The following RTL8A variants were observed in gnomAD, a reference collection of about 807,000 sequenced individuals.
RTL8A encodes the protein retrotransposon Gag like 8A, also known as retrotransposon Gag-like protein 8A.
Under a neutral mutation model 4.4 loss-of-function variants are expected in RTL8A, and 4 were observed. The observed-to-expected ratio is 0.92, with a 90% CI of 0.45 to 2.10. The LOEUF (loss-of-function observed/expected upper bound fraction) is 2.10, where lower values mean the gene tolerates loss of function less well. Among genes scored for constraint, RTL8A ranks in the 30% most tolerant of loss-of-function variants. RTL8A has a pLI of 0.03. For synonymous variants in RTL8A, 47 were observed against 45.3 expected (o/e 1.04, Z -0.15); for missense variants, 84 against 99.4 (o/e 0.85, Z 0.66).
chrX:135,051,387 A>C lies in RTL8A; in HGVS notation c.*380T>G. On this transcript the variant is annotated 3_prime_UTR_variant, in exon 1 of 1. Coordinates refer to ENST00000370775, the MANE Select transcript of RTL8A (RefSeq NM_001078172.2). ...CGTAGGTCTGTGGGCAGAATGATGT[A>C]GTTGGCTGGCAGTCTGGAGGAGTGG... is the stretch of plus-strand genomic sequence containing the variant. 1 of 1,030,191 alleles carries C rather than the reference A, an allele frequency of 9.7e-7. No individual in the cohort carries two copies. Among genetic ancestry groups the C allele is most frequent in the Non-Finnish European group, 1.3e-6 (1 of 786,208 alleles). The allele number at this position is 1,030,191 out of a possible 1,213,427, so 84.9% of individuals were successfully genotyped here.
In RTL8A at chrX:135,052,122, C is replaced by T; in HGVS notation, c.-14G>A. 1.7e-6 allele frequency: 2 copies of T among 1,187,494 alleles called. No individual in the cohort carries two copies. The highest frequency in any genetic ancestry group is 3.0e-5 in the East Asian group (1 of 33,480). The stretch of plus-strand genomic sequence containing the variant: ...CCGACCGTCCATCGTGCCGCGCGCG[C>T]TCCGCGGAGTTTCGCTGGGTTGCGT... On this transcript the variant is annotated 5_prime_UTR_variant, in exon 1 of 1. Transcript: ENST00000370775.
rs765478668 is a variant in RTL8A at position 135,051,900 on chromosome X, G to C, written c.209C>G (p.Thr70Ser). ...NDALKVTFLI[T>S]RLTGPALQWV... ...CTGCAGGGCTGGCCCCGTGAGGCGGGTGATGAGGAACGTCACCTTCAGGGC... is the reference window on the plus strand; with the variant it reads ...CTGCAGGGCTGGCCCCGTGAGGCGGCTGATGAGGAACGTCACCTTCAGGGC... Residue 70 changes from threonine (T) to serine (S), a missense_variant, in exon 1 of 1, where the codon ACC (threonine) becomes AGC (serine). Coordinates refer to ENST00000370775, the MANE Select transcript of RTL8A (RefSeq NM_001078172.2). 13 of 1,210,742 alleles carry C rather than the reference G, an allele frequency of 1.1e-5. No homozygotes were observed. Among genetic ancestry groups the C allele is most frequent in the Admixed American group, 2.2e-5 (1 of 46,039 alleles).
Position 135,051,072 on chromosome X carries a change from G to T in RTL8A, c.*695C>A. 3.7e-6 allele frequency: 1 copy of T among 270,131 alleles called. No individual in the cohort carries two copies. The highest frequency in any genetic ancestry group is 3.6e-5 in the South Asian group (1 of 27,657). 22.3% of individuals were successfully genotyped at this position (270,131 alleles called of 1,213,427 possible). ...CAGAGAGACAGCTGCAAATTCAGAAGAAAACAGGATTCTAGGCAAAACTAA... is the reference window on the plus strand; with the variant it reads ...CAGAGAGACAGCTGCAAATTCAGAATAAAACAGGATTCTAGGCAAAACTAA... On this transcript the variant is annotated 3_prime_UTR_variant, in exon 1 of 1. Coordinates refer to ENST00000370775, the MANE Select transcript of RTL8A (RefSeq NM_001078172.2).
Position 135,052,081 on chromosome X carries a change from C to T in RTL8A, c.28G>A (p.Ala10Thr), listed in dbSNP as rs1284414972. 8.3e-7 allele frequency: 1 copy of T among 1,207,720 alleles called. No homozygotes were observed. Among genetic ancestry groups the T allele is most frequent in the South Asian group, 1.8e-5 (1 of 56,248 alleles). The change falls in exon 1 of 1, where the codon GCC becomes ACC. Residue 10 changes from alanine (A) to threonine (T), a missense_variant. Physicochemically the swap from Ala to Thr is moderately conservative, Grantham distance 58. Coordinates refer to ENST00000370775, the MANE Select transcript of RTL8A (RefSeq NM_001078172.2). ...GGCCGGAGGGGCCCGGCCAGGAGGGCCTTCATCAGCTGCACCCGACCGTCC... is the reference window on the plus strand; with the variant it reads ...GGCCGGAGGGGCCCGGCCAGGAGGGTCTTCATCAGCTGCACCCGACCGTCC... MDGRVQLMK[A>T]LLAGPLRPAA...
At position 135,051,842 on chromosome X, in the gene RTL8A, G is replaced by A. The variant is rs1282452414; in HGVS notation, c.267C>T (p.Pro89=). 1 of 1,204,573 alleles carries A rather than the reference G, an allele frequency of 8.3e-7. No individual in the cohort carries two copies. Among genetic ancestry groups the A allele is most frequent in the Non-Finnish European group, 1.1e-6 (1 of 891,850 alleles). The change falls in exon 1 of 1, where the codon CCC becomes CCT. Residue 89 remains proline (P), a synonymous_variant. Coordinates refer to ENST00000370775, the MANE Select transcript of RTL8A (RefSeq NM_001078172.2). ...GGAAGCCCCGGTAATCATTGAGCAG[G>A]GGGCTCTCCTTCCTGATGTAGGGGA... is the stretch of plus-strand genomic sequence containing the variant. ...WVIPYIRKES[P]LLNDYRGFLA...
chrX:135,052,054 C>T lies in RTL8A; in HGVS notation c.55G>A (p.Ala19Thr). 1 of 1,211,890 alleles carries T rather than the reference C, an allele frequency of 8.3e-7. No homozygotes were observed. The highest frequency in any genetic ancestry group is 1.1e-6 in the Non-Finnish European group (1 of 895,248). ...KALLAGPLRPAARRWRNPIPF... is the reference protein window; with the variant it reads ...KALLAGPLRPTARRWRNPIPF... ...ATCGGGTTCCTCCAGCGACGCGCCG[C>T]GGGCCGGAGGGGCCCGGCCAGGAGG... The change falls in exon 1 of 1, where the codon GCG (alanine) becomes ACG (threonine). Residue 19 changes from alanine to threonine, a missense_variant. Ala to Thr is a moderately conservative substitution (Grantham distance 58). Coordinates refer to ENST00000370775, the MANE Select transcript of RTL8A (RefSeq NM_001078172.2).
At position 135,051,866 on chromosome X, in the gene RTL8A, G is replaced by C. The variant is rs774020193; in HGVS notation, c.243C>G (p.Ile81Met). The part of the protein sequence containing the change: ...RLTGPALQWV[I>M]PYIRKESPLL... ...GGGGGCTCTCCTTCCTGATGTAGGG[G>C]ATCACCCACTGCAGGGCTGGCCCCG... Residue 81 changes from isoleucine (I) to methionine (M), a missense_variant, in exon 1 of 1, where the codon ATC becomes ATG. Ile to Met is a conservative substitution (Grantham distance 10, BLOSUM62 1). Coordinates refer to ENST00000370775, the MANE Select transcript of RTL8A (RefSeq NM_001078172.2). 5.8e-6 allele frequency: 7 copies of C among 1,209,785 alleles called. No individual in the cohort carries two copies. Among genetic ancestry groups the C allele is most frequent in the Non-Finnish European group, 7.8e-6 (7 of 894,070 alleles).
In RTL8A at chrX:135,052,055, G is replaced by C. The variant is rs757386621; in HGVS notation, c.54C>G (p.Pro18=). The change falls in exon 1 of 1, where the codon CCC becomes CCG. Residue 18 remains proline, a synonymous_variant. Transcript: ENST00000370775. The part of the protein sequence containing the change: ...MKALLAGPLR[P]AARRWRNPIP... Reference sequence around the variant, plus strand: ...TCGGGTTCCTCCAGCGACGCGCCGCGGGCCGGAGGGGCCCGGCCAGGAGGG... The same window carrying C: ...TCGGGTTCCTCCAGCGACGCGCCGCCGGCCGGAGGGGCCCGGCCAGGAGGG... The C allele has an allele frequency of 2.5e-6, 3 of 1,211,555 alleles. No individual in the cohort carries two copies. Among genetic ancestry groups the C allele is most frequent in the Non-Finnish European group, 2.2e-6 (2 of 895,105 alleles).
At position 135,051,232 on chromosome X, in the gene RTL8A, T is replaced by G; in HGVS notation, c.*535A>C. ...GTCTCGCTGAAGGTGACAGGCTCCT[T>G]GGGGGACGGCCAGCTGTCTGGATCA... On this transcript the variant is annotated 3_prime_UTR_variant, in exon 1 of 1. Transcript: ENST00000370775. The G allele has an allele frequency of 1.1e-6, 1 of 888,319 alleles. No homozygotes were observed. Among genetic ancestry groups the G allele is most frequent in the Non-Finnish European group, 1.5e-6 (1 of 669,131 alleles). 73.2% of individuals were successfully genotyped at this position (888,319 alleles called of 1,213,427 possible). A position where few individuals can be genotyped will look rare whatever the true frequency, so the allele number is the denominator to read the frequency against.
rs771859549 is a variant in RTL8A at position 135,051,924 on chromosome X, G to C, written c.185C>G (p.Ala62Gly). 4 of 1,210,961 alleles carry C rather than the reference G, an allele frequency of 3.3e-6. No homozygotes were observed. The South Asian group carries it at 7.0e-5, about 21-fold the overall frequency. ...GGTGATGAGGAACGTCACCTTCAGG[G>C]CGTCGTTGGAGAACGTGTTCTCGTC... is the stretch of plus-strand genomic sequence containing the variant. ...FVDENTFSND[A>G]LKVTFLITRL... is the part of the protein sequence containing the mutation. Residue 62 changes from alanine to glycine, a missense_variant, in exon 1 of 1, where the codon GCC becomes GGC. Ala to Gly is a moderately conservative substitution (Grantham distance 60). Transcript: ENST00000370775.
In RTL8A at chrX:135,051,681, G is replaced by T; in HGVS notation, c.*86C>A. On this transcript the variant is annotated 3_prime_UTR_variant, in exon 1 of 1. Transcript: ENST00000370775. Reference sequence around the variant, plus strand: ...CGAGGGGGAGGGAGGCGCGGAGGGAGGGCGCCTGTGGAGACCCTAGCGGTG... The same window carrying T: ...CGAGGGGGAGGGAGGCGCGGAGGGATGGCGCCTGTGGAGACCCTAGCGGTG... 8.8e-7 allele frequency: 1 copy of T among 1,138,387 alleles called. No individual in the cohort carries two copies. The highest frequency in any genetic ancestry group is 1.2e-6 in the Non-Finnish European group (1 of 861,915). The allele number at this position is 1,138,387 out of a possible 1,213,427, so 93.8% of individuals were successfully genotyped here.
rs1452296197 is a variant in RTL8A at position 135,051,501 on chromosome X, T to C, written c.*266A>G. 1 of 1,125,822 alleles carries C rather than the reference T, an allele frequency of 8.9e-7. No homozygotes were observed. Among genetic ancestry groups the C allele is most frequent in the African/African-American group, 1.8e-5 (1 of 55,127 alleles). The allele number at this position is 1,125,822 out of a possible 1,213,427, so 92.8% of individuals were successfully genotyped here. A position where few individuals can be genotyped will look rare whatever the true frequency, so the allele number is the denominator to read the frequency against. ...CCTGAAGTGCAGGACAGCGTCCAAA[T>C]GTGCATGGAGGGGCTGGGCTGGCAA... On this transcript the variant is annotated 3_prime_UTR_variant, in exon 1 of 1. Coordinates refer to ENST00000370775, the MANE Select transcript of RTL8A (RefSeq NM_001078172.2).
Position 135,051,193 on chromosome X carries a change from T to G in RTL8A, c.*574A>C. 3.4e-6 allele frequency: 2 copies of G among 588,238 alleles called. No individual in the cohort carries two copies. Among genetic ancestry groups the G allele is most frequent in the Non-Finnish European group, 5.0e-6 (2 of 396,303 alleles). 48.5% of individuals were successfully genotyped at this position (588,238 alleles called of 1,213,427 possible). ...CAGGAACACAAGAGGTCTCTGGGGA[T>G]GGGGAGGAAATGGGTCTCGCTGAAG... On this transcript the variant is annotated 3_prime_UTR_variant, in exon 1 of 1. Coordinates refer to ENST00000370775, the MANE Select transcript of RTL8A (RefSeq NM_001078172.2).
In RTL8A at chrX:135,051,926, G is replaced by A. The variant is rs2083341442; in HGVS notation, c.183C>T (p.Asp61=). 1 of 1,212,126 alleles carries A rather than the reference G, an allele frequency of 8.2e-7. No homozygotes were observed. Among genetic ancestry groups the A allele is most frequent in the East Asian group, 3.0e-5 (1 of 33,836 alleles). The change falls in exon 1 of 1, where the codon GAC becomes GAT. Residue 61 remains aspartate (D), a synonymous_variant. Coordinates refer to ENST00000370775, the MANE Select transcript of RTL8A (RefSeq NM_001078172.2). ...TGATGAGGAACGTCACCTTCAGGGCGTCGTTGGAGAACGTGTTCTCGTCCA... is the reference window on the plus strand; with the variant it reads ...TGATGAGGAACGTCACCTTCAGGGCATCGTTGGAGAACGTGTTCTCGTCCA... ...MFVDENTFSN[D]ALKVTFLITR...
chrX:135,051,513 G>A lies in RTL8A; in HGVS notation c.*254C>T. On this transcript the variant is annotated 3_prime_UTR_variant, in exon 1 of 1. Coordinates refer to ENST00000370775, the MANE Select transcript of RTL8A (RefSeq NM_001078172.2). ...GACAGCGTCCAAATGTGCATGGAGGGGCTGGGCTGGCAAAAGAGGGCGGAG... is the reference window on the plus strand; with the variant it reads ...GACAGCGTCCAAATGTGCATGGAGGAGCTGGGCTGGCAAAAGAGGGCGGAG... The A allele has an allele frequency of 3.6e-6, 4 of 1,126,406 alleles. No individual in the cohort carries two copies. The highest frequency in any genetic ancestry group is 4.1e-5 in the South Asian group (2 of 48,267). The allele number at this position is 1,126,406 out of a possible 1,213,427, so 92.8% of individuals were successfully genotyped here.
At position 135,051,139 on chromosome X, in the gene RTL8A, G is replaced by T; in HGVS notation, c.*628C>A. ...AATGAGAGATTCGATTTGGTTGCCA[G>T]GCACACTTAAGCCCTGGCAGCTATG... On this transcript the variant is annotated 3_prime_UTR_variant, in exon 1 of 1. Coordinates refer to ENST00000370775, the MANE Select transcript of RTL8A (RefSeq NM_001078172.2). 3.0e-6 allele frequency: 1 copy of T among 337,701 alleles called. No homozygotes were observed. The highest frequency in any genetic ancestry group is 5.5e-6 in the Non-Finnish European group (1 of 182,712). 27.8% of individuals were successfully genotyped at this position (337,701 alleles called of 1,213,427 possible).
chrX:135,052,024 A>T lies in RTL8A; in HGVS notation c.85T>A (p.Phe29Ile), dbSNP rs753177893. 5.1e-5 allele frequency: 62 copies of T among 1,211,422 alleles called. No individual in the cohort carries two copies. Among genetic ancestry groups the T allele is most frequent in the Non-Finnish European group, 6.9e-5 (62 of 895,352 alleles). Residue 29 changes from phenylalanine (F) to isoleucine (I), a missense_variant, in exon 1 of 1, where the codon TTT becomes ATT. Physicochemically the swap from Phe to Ile is conservative, Grantham distance 21. Transcript: ENST00000370775. ...GTATCTCCGTCAAACGTCTCGGGAAAGGGAATCGGGTTCCTCCAGCGACGC... is the reference window on the plus strand; with the variant it reads ...GTATCTCCGTCAAACGTCTCGGGAATGGGAATCGGGTTCCTCCAGCGACGC... The part of the protein sequence containing the change: ...AARRWRNPIP[F>I]PETFDGDTDR...
In RTL8A at chrX:135,051,787, C is replaced by T. The variant is rs755234360; in HGVS notation, c.322G>A (p.Glu108Lys). The change falls in exon 1 of 1, where the codon GAG becomes AAG. Residue 108 changes from glutamate to lysine, a missense_variant. By Grantham distance (56) the Glu-to-Lys change is moderately conservative. Coordinates refer to ENST00000370775, the MANE Select transcript of RTL8A (RefSeq NM_001078172.2). ...CCGGCCTAGAAGTCCTCGTCCTCCT[C>T]CCATCCAAAGACCCGCTTCATCTCG... ...LAEMKRVFGW[E>K]EDEDF 1 of 1,205,365 alleles carries T rather than the reference C, an allele frequency of 8.3e-7. No individual in the cohort carries two copies. Among genetic ancestry groups the T allele is most frequent in the Admixed American group, 2.2e-5 (1 of 45,541 alleles).
In RTL8A at chrX:135,051,953, G is replaced by A; in HGVS notation, c.156C>T (p.Phe52=). 8.3e-7 allele frequency: 1 copy of A among 1,212,102 alleles called. No individual in the cohort carries two copies. The highest frequency in any genetic ancestry group is 1.7e-5 in the African/African-American group (1 of 57,979). ...CGTTGGAGAACGTGTTCTCGTCCAC[G>A]AACATGTAGGAGCTCGTCTGCACGA... The part of the protein sequence containing the change: ...EFIVQTSSYM[F]VDENTFSNDA... The change falls in exon 1 of 1, where the codon TTC becomes TTT. Residue 52 remains phenylalanine (F), a synonymous_variant. Coordinates refer to ENST00000370775, the MANE Select transcript of RTL8A (RefSeq NM_001078172.2).
Sources: allele counts gnomAD v4.1 joint callset, GRCh38; gene constraint gnomAD v4.1.1; transcripts MANE v1.5; gene names NCBI Gene and HGNC (gene_info 2026-07-23, HGNC 2026-07-21).